Variants in DYM observed in about 807,000 individuals in gnomAD.
DYM encodes the protein dyggve-Melchior-Clausen syndrome protein.
DYM carries 78 observed loss-of-function variants against 93.1 expected under a neutral mutation model. The ratio of observed to expected loss-of-function variants is 0.84; its 90% confidence interval spans 0.70 to 1.01. The LOEUF (loss-of-function observed/expected upper bound fraction) is 1.01. Ranked by LOEUF, DYM falls within the 50% of genes least tolerant of loss-of-function variation. DYM has a pLI of 0.00. For missense variants in DYM, 789 were observed against 845.0 expected, an observed-to-expected ratio of 0.93 and a Z score of 0.82; for synonymous variants, 321 against 319.7, an observed-to-expected ratio of 1.00 and a Z score of -0.04.
intron 6 of DYM, among the ~76,000 whole-genome samples, chr18:49,339,053 G>GAA (rs144426917): frequency 6.6e-6 from 1 of 150,550 alleles, no homozygotes; most frequent in Non-Finnish European, 1.5e-5. Flanking sequence ...AACTCTGCTA[G>GAA]AAAAAAAAAA....
intron 14 of DYM, among the ~76,000 whole-genome samples, chr18:49,200,796 A>G (rs920540116): frequency 2.0e-5 from 3 of 152,142 alleles, no homozygotes; most frequent in African/African-American, 7.2e-5. Context: ...ATATGTATAC[A>G]TTGTGGAAAT....
intron 17 of DYM, among the ~76,000 whole-genome samples, chr18:49,051,693 A>C (rs1261571823): frequency 3.2e-4 from 49 of 152,186 alleles, no homozygotes; most frequent in Admixed American, 3.1e-3. Context: ...AAACAAAGAC[A>C]AGCTTGAAGC....
intron 15 of DYM, among the ~76,000 whole-genome samples, chr18:49,141,214 G>C (rs1329832524): frequency 6.6e-6 from 1 of 152,060 alleles, no homozygotes; most frequent in Non-Finnish European, 1.5e-5. Context: ...TTTTCCTCTT[G>C]AGTTCCAAGC....
At chr18:49,385,813 G>A (rs997082165) in intron 3 of DYM, among the ~76,000 whole-genome samples, 1 of 152,058 alleles carries the variant, frequency 6.6e-6, no homozygotes, top group Non-Finnish European at 1.5e-5. Flanking sequence ...AGGCTGAGGT[G>A]GGAGGCATGC....
chr18:49,294,945 G>A (rs927876638), intron 8 of DYM, among the ~76,000 whole-genome samples: 3 of 152,154 alleles, frequency 2.0e-5, no homozygotes, highest in Non-Finnish European at 4.4e-5. Flanking sequence ...TAAAAATTCT[G>A]CTAGAGATGT....
intron 17 of DYM, among the ~76,000 whole-genome samples, chr18:49,064,486 T>C (rs902111021): frequency 6.6e-6 from 1 of 152,200 alleles, no homozygotes; most frequent in Non-Finnish European, 1.5e-5. Context: ...CACACCAGGG[T>C]CTATGACTTC....
intron 10 of DYM, among the ~76,000 whole-genome samples, chr18:49,280,071 C>T (rs2094933561): frequency 6.6e-6 from 1 of 152,176 alleles, no homozygotes; most frequent in Non-Finnish European, 1.5e-5. Context: ...CGGGAATGTT[C>T]ACATTTTTAT....
chr18:49,413,352 C>T (rs1225983197), intron 2 of DYM, among the ~76,000 whole-genome samples: 1 of 152,168 alleles, frequency 6.6e-6, no homozygotes, highest in Non-Finnish European at 1.5e-5. Context: ...ATGGAGGTGT[C>T]TACAGCAATG....
In DYM at chr18:49,391,662, A is replaced by G; in HGVS notation, c.141-17T>C. On this transcript the variant is annotated splice_polypyrimidine_tract_variant and intron_variant, in intron 2 of 17. Transcript: ENST00000675505. ...AACTCACTACTGGAGAGACAGAAGA[A>G]TAAAGGTAATTAATGACTATAATAC... 6.2e-7 allele frequency: 1 copy of G among 1,606,698 alleles called. No homozygotes were observed. The highest frequency in any genetic ancestry group is 1.1e-5 in the South Asian group (1 of 90,930).
At position 49,317,592 on chromosome 18, in the gene DYM, TCTCTC is replaced by T. The variant is rs1193074835; in HGVS notation, c.763+14267_763+14271del. Reference sequence around the variant, plus strand: ...CTCTCTCTCTCTCTCTCTCTCTCTCTCTCTCCCCCCTCCCCCCTCCCTCCCTCCCT... The same window carrying T: ...CTCTCTCTCTCTCTCTCTCTCTCTCTCCCCCTCCCCCCTCCCTCCCTCCCT... On this transcript the variant is annotated intron_variant, in intron 8 of 17. Transcript: ENST00000675505. Among the ~76,000 whole-genome samples, 94 of 11,436 alleles carry T rather than the reference TCTCTC, an allele frequency of 8.2e-3. 5 individuals are homozygous for T. Among genetic ancestry groups the T allele is most frequent in the East Asian group, 0.059 (13 of 220 alleles). The allele number at this position is 11,436 out of a possible 152,430, so 7.5% of individuals were successfully genotyped here.
intron 15 of DYM, among the ~76,000 whole-genome samples, chr18:49,159,329 G>A (rs1393610216): frequency 6.6e-6 from 1 of 152,118 alleles, no homozygotes; most frequent in Non-Finnish European, 1.5e-5. Context: ...TTTAAATTTT[G>A]TCATATGAAA....
intron 15 of DYM, among the ~76,000 whole-genome samples, chr18:49,136,675 A>C (rs2083887328): frequency 6.6e-6 from 1 of 152,196 alleles, no homozygotes; most frequent in Non-Finnish European, 1.5e-5. Flanking sequence ...TAAAATATAA[A>C]ACCAGAAATA....
At chr18:49,384,342 AAG>A (rs1040599008) in intron 3 of DYM, among the ~76,000 whole-genome samples, 1 of 149,488 alleles carries the variant, frequency 6.7e-6, no homozygotes, top group African/African-American at 2.5e-5. Flanking sequence ...AAAAAAAAAA[AAG>A]GCTGGGTGCA....
chr18:49,280,739 C>T (rs772017479), intron 10 of DYM, among the ~76,000 whole-genome samples: 1 of 152,206 alleles, frequency 6.6e-6, no homozygotes, highest in African/African-American at 2.4e-5. Flanking sequence ...TTGACCATCA[C>T]CTTTGTGGCA....
At chr18:49,337,176 A>C (rs1223276119) in intron 6 of DYM, among the ~76,000 whole-genome samples, 1 of 152,208 alleles carries the variant, frequency 6.6e-6, no homozygotes, top group East Asian at 1.9e-4. Flanking sequence ...AGGTCAGGTA[A>C]TATGTATTCA....
chr18:49,420,019 T>C (rs1010616589), intron 2 of DYM, among the ~76,000 whole-genome samples: 1 of 152,204 alleles, frequency 6.6e-6, no homozygotes, highest in African/African-American at 2.4e-5. Context: ...GTTGATGCTA[T>C]AGCTCATCCC....
At chr18:49,176,902 T>C (rs1047062171) in intron 14 of DYM, among the ~76,000 whole-genome samples, 1 of 152,164 alleles carries the variant, frequency 6.6e-6, no homozygotes, top group African/African-American at 2.4e-5. Flanking sequence ...ATAATTAGTA[T>C]GCAATTCTAA....
chr18:49,343,737 C>T lies in DYM; in HGVS notation c.495-9884G>A, dbSNP rs556664813. 1.4e-3 allele frequency among the ~76,000 whole-genome samples: 212 copies of T among 152,196 alleles called. 4 individuals carry two copies. Among genetic ancestry groups the T allele is most frequent in the Non-Finnish European group, 1.4e-3 (93 of 68,016 alleles). ...CAAAACCAAGAAAAATACATCCATT[C>T]GTGTACAAATTTTAAATGATGAAAA... is the stretch of plus-strand genomic sequence containing the variant. On this transcript the variant is annotated intron_variant, in intron 6 of 17. Transcript: ENST00000675505.
chr18:49,332,433 C>G (rs2063376824), intron 7 of DYM, among the ~76,000 whole-genome samples: 1 of 152,124 alleles, frequency 6.6e-6, no homozygotes, highest in Non-Finnish European at 1.5e-5. Flanking sequence ...GTTACTTTAT[C>G]TACATTCGGT....
Sources: allele counts gnomAD v4.1 joint callset (sites outside exome capture counted in the v4.1 genomes callset), GRCh38; gene constraint gnomAD v4.1.1; transcripts MANE v1.5; gene names NCBI Gene and HGNC (gene_info 2026-07-23, HGNC 2026-07-21).